The following COL13A1 variants were observed in gnomAD, a reference collection of about 807,000 sequenced individuals.
COL13A1 encodes the protein collagen alpha-1(XIII) chain.
COL13A1 carries 89 observed loss-of-function variants against 130.9 expected under a neutral mutation model. The ratio of observed to expected loss-of-function variants is 0.68; its 90% CI spans 0.57 to 0.81. The LOEUF (loss-of-function observed/expected upper bound fraction) is 0.81. Among genes scored for constraint, COL13A1 ranks in the 30% least tolerant of loss-of-function variants. The probability of loss-of-function intolerance (pLI) is 0.00; values close to 1 mark genes in which losing one functional copy is unlikely to be tolerated. For missense variants in COL13A1, 879 were observed against 934.6 expected, an observed-to-expected ratio of 0.94 and a Z score of 0.78; for synonymous variants, 402 against 341.6, an observed-to-expected ratio of 1.18 and a Z score of -1.95.
intron 24 of COL13A1, 51 bp from the exon 25 acceptor site, chr10:69,924,912 C>T: frequency 6.6e-7 from 1 of 1,521,394 alleles, no homozygotes; most frequent in Non-Finnish European, 8.8e-7. Context: ...GGACATCAGG[C>T]TCTCTGTACC....
intron 2 of COL13A1, among the ~76,000 whole-genome samples, chr10:69,839,485 G>A (rs1424926572): frequency 3.9e-5 from 6 of 152,142 alleles, no homozygotes; most frequent in Admixed American, 2.0e-4. Flanking sequence ...GGATATTTTC[G>A]ATAGGGCATT....
At chr10:69,823,257 A>G (rs1334706109) in intron 2 of COL13A1, among the ~76,000 whole-genome samples, 5 of 152,214 alleles carry the variant, frequency 3.3e-5, no homozygotes, top group African/African-American at 4.8e-5. Context: ...GAAATTTTCT[A>G]GGTGCCTGTT....
intron 7 of COL13A1, among the ~76,000 whole-genome samples, chr10:69,882,170 G>A (rs570765142): frequency 1.3e-5 from 2 of 152,306 alleles, no homozygotes; most frequent in Admixed American, 1.3e-4. Context: ...GACTGAGCCC[G>A]GTGTGTTAGG....
rs185576753 is a variant in COL13A1 at position 69,958,828 on chromosome 10, A to C, written c.*127A>C. 272 of 1,312,062 alleles carry C rather than the reference A, an allele frequency of 2.1e-4. No individual in the cohort carries two copies. In the African/African-American group the frequency reaches 3.2e-3, roughly 16 times the overall value. The allele number at this position is 1,312,062 out of a possible 1,614,324, so 81.3% of individuals were successfully genotyped here. A position where few individuals can be genotyped will look rare whatever the true frequency, so the allele number is the denominator to read the frequency against. The stretch of plus-strand genomic sequence containing the variant: ...ACAGATTATTAAAAAAGAAAGAAAA[A>C]CCTGCATATTTTGTACAGAAAATAT... On this transcript the variant is annotated 3_prime_UTR_variant, in exon 41 of 41. Transcript: ENST00000645393.
intron 2 of COL13A1, among the ~76,000 whole-genome samples, chr10:69,828,338 C>A (rs1385645102): frequency 6.6e-6 from 1 of 152,086 alleles, no homozygotes; most frequent in Non-Finnish European, 1.5e-5. Flanking sequence ...CTCCCAGACA[C>A]CCAGGTGCAA....
At position 69,802,221 on chromosome 10, in the gene COL13A1, A is replaced by G. The variant is rs916363191; in HGVS notation, c.-203A>G. 41 of 577,628 alleles carry G rather than the reference A, an allele frequency of 7.1e-5. No individual in the cohort carries two copies. Among genetic ancestry groups the G allele is most frequent in the Non-Finnish European group, 1.0e-4 (37 of 359,856 alleles). The allele number at this position is 577,628 out of a possible 1,614,324, so 35.8% of individuals were successfully genotyped here. On this transcript the variant is annotated 5_prime_UTR_variant, in exon 1 of 41. Coordinates refer to ENST00000645393, the MANE Select transcript of COL13A1 (RefSeq NM_001368882.1). ...TTTTTTCTCACCTAGGTGTACCCCAATTACCGCTGGTTGTGCTTTTTCGGC... is the reference window on the plus strand; with the variant it reads ...TTTTTTCTCACCTAGGTGTACCCCAGTTACCGCTGGTTGTGCTTTTTCGGC...
intron 3 of COL13A1, among the ~76,000 whole-genome samples, chr10:69,868,700 G>A (rs1027982735): frequency 2.6e-5 from 4 of 152,064 alleles, no homozygotes; most frequent in East Asian, 3.9e-4. Context: ...TGTGGGAGCC[G>A]CCTGCTTCAT....
intron 2 of COL13A1, among the ~76,000 whole-genome samples, chr10:69,843,245 C>T (rs1478102417): frequency 1.3e-5 from 2 of 152,088 alleles, no homozygotes; most frequent in Non-Finnish European, 2.9e-5. Context: ...TTAAACTCTT[C>T]CCCCTCAACC....
At chr10:69,905,117 G>A (rs1305993786) in intron 16 of COL13A1, among the ~76,000 whole-genome samples, 158 bp downstream of exon 16, 1 of 152,020 alleles carries the variant, frequency 6.6e-6, no homozygotes, top group African/African-American at 2.4e-5. Flanking sequence ...ACCCTTCTCA[G>A]GAACTAACTT....
intron 31 of COL13A1, among the ~76,000 whole-genome samples, chr10:69,933,465 C>T (rs1026732340): frequency 1.3e-5 from 2 of 152,156 alleles, no homozygotes; most frequent in Admixed American, 6.5e-5. Flanking sequence ...GGCAAGAACC[C>T]GGAAAGCAAC....
At position 69,921,869 on chromosome 10, in the gene COL13A1, C is replaced by A; in HGVS notation, c.1090-13C>A. 6 of 1,601,388 alleles carry A rather than the reference C, an allele frequency of 3.7e-6. No homozygotes were observed. Among genetic ancestry groups the A allele is most frequent in the Non-Finnish European group, 5.1e-6 (6 of 1,174,220 alleles). ...CAGTTCCTAACCCCCACACTGTCTG[C>A]ATCTCCCTGCAGGGTGAGAAGGGGG... is the stretch of plus-strand genomic sequence containing the variant. On this transcript the variant is annotated splice_polypyrimidine_tract_variant and intron_variant, in intron 21 of 40. Coordinates refer to ENST00000645393, the MANE Select transcript of COL13A1 (RefSeq NM_001368882.1).
Position 69,958,680 on chromosome 10 carries a change from T to C in COL13A1, c.2185-19T>C. On this transcript the variant is annotated intron_variant, in intron 40 of 40. Transcript: ENST00000645393. The stretch of plus-strand genomic sequence containing the variant: ...ACCCACTGAAACTAACAGAACATTG[T>C]TTTGTTTTTGTTTTGCAGTGATGCC... 1 of 1,613,936 alleles carries C rather than the reference T, an allele frequency of 6.2e-7. No homozygotes were observed. The highest frequency in any genetic ancestry group is 2.2e-5 in the East Asian group (1 of 44,884).
intron 7 of COL13A1, 144 bp downstream of exon 7, chr10:69,880,697 C>CA: frequency 1.2e-6 from 1 of 819,250 alleles, no homozygotes; most frequent in Admixed American, 2.6e-5. Flanking sequence ...TCAGCCCAGC[C>CA]AGGCCTCGGG....
chr10:69,847,927 C>G (rs978810368), intron 2 of COL13A1, among the ~76,000 whole-genome samples: 9 of 152,220 alleles, frequency 5.9e-5, no homozygotes, highest in African/African-American at 2.2e-4. Context: ...GACCCTGACC[C>G]GAAGGCATAA....
intron 36 of COL13A1, among the ~76,000 whole-genome samples, chr10:69,944,806 C>A (rs1488178485): frequency 6.6e-6 from 1 of 152,162 alleles, no homozygotes; most frequent in Non-Finnish European, 1.5e-5. Flanking sequence ...TTGGCAAGGC[C>A]CTGGGCGCCA....
intron 38 of COL13A1, among the ~76,000 whole-genome samples, chr10:69,950,921 T>G (rs1425979777): frequency 6.6e-6 from 1 of 152,194 alleles, no homozygotes; most frequent in African/African-American, 2.4e-5. Context: ...CAATCTCAGC[T>G]CACTGCAACC....
intron 2 of COL13A1, among the ~76,000 whole-genome samples, chr10:69,849,015 C>G (rs1853946918): frequency 6.6e-6 from 1 of 152,236 alleles, no homozygotes; most frequent in African/African-American, 2.4e-5. Flanking sequence ...CCACCTGACC[C>G]ATGTGGGCAA....
chr10:69,802,155 TC>T lies in COL13A1; in HGVS notation c.-265del. 1 of 419,520 alleles carries T rather than the reference TC, an allele frequency of 2.4e-6. No individual in the cohort carries two copies. The highest frequency in any genetic ancestry group is 4.2e-6 in the Non-Finnish European group (1 of 240,588). 26.0% of individuals were successfully genotyped at this position (419,520 alleles called of 1,614,324 possible). On this transcript the variant is annotated 5_prime_UTR_variant, in exon 1 of 41. Transcript: ENST00000645393. Reference sequence around the variant, plus strand: ...CGGAGAGAAGGAGAGCCGGTCAGATTCCCCTAACTTTCCTGGACTTGGAACG... The same window carrying T: ...CGGAGAGAAGGAGAGCCGGTCAGATTCCCTAACTTTCCTGGACTTGGAACG...
chr10:69,891,700 C>T (rs1369849490), intron 10 of COL13A1, among the ~76,000 whole-genome samples: 1 of 152,220 alleles, frequency 6.6e-6, no homozygotes. Flanking sequence ...TCAGCCTGAG[C>T]TTCTTTCCCT....
Sources: gnomAD v4.1 joint callset for allele counts (sites outside exome capture counted in the v4.1 genomes callset) on GRCh38, gnomAD v4.1.1 for gene constraint, MANE v1.5 for transcripts, NCBI Gene and HGNC (gene_info 2026-07-23, HGNC 2026-07-21) for gene names.